Variants in EHMT1 observed in about 807,000 individuals in gnomAD.
EHMT1 encodes the protein euchromatic histone lysine methyltransferase 1.
A neutral mutation model predicts 147.2 loss-of-function variants in EHMT1; 15 were observed. The observed-to-expected ratio is 0.10, with a 90% CI of 0.07 to 0.16. The LOEUF is 0.16. Among genes scored for constraint, EHMT1 ranks in the 10% least tolerant of loss-of-function variants. The pLI is 1.00. For missense variants in EHMT1, 1,587 were observed against 1,772.4 expected (o/e 0.90, Z 1.88); for synonymous variants, 795 against 709.6 (o/e 1.12, Z -1.91).
chr9:137,779,580 C>T (rs1435898912), intron 13 of EHMT1, 55 bp from the exon 14 acceptor site: 58 of 1,599,430 alleles, frequency 3.6e-5, no homozygotes, highest in Non-Finnish European at 4.6e-5. Context: ...CAGCCTTCAG[C>T]TTCATGTGTG....
chr9:137,716,915 C>T lies in EHMT1; in HGVS notation c.375C>T (p.Tyr125=), dbSNP rs763653989. 2 of 1,613,036 alleles carry T rather than the reference C, an allele frequency of 1.2e-6. No individual in the cohort carries two copies. Among genetic ancestry groups the T allele is most frequent in the Admixed American group, 1.7e-5 (1 of 60,002 alleles). The change falls in exon 3 of 27, where the codon TAC becomes TAT. Residue 125 remains tyrosine (Y), a synonymous_variant. Coordinates refer to ENST00000460843, the MANE Select transcript of EHMT1 (RefSeq NM_024757.5). ...CTTCTGTCATCGGCAGCAACGGATA[C>T]ATCTTAAATAAGCCGGCCCTACAGG... The part of the protein sequence containing the change: ...VQTSVIGSNG[Y]ILNKPALQAQ...
chr9:137,679,187 G>A (rs1400250113), intron 1 of EHMT1, among the ~76,000 whole-genome samples: 2 of 152,166 alleles, frequency 1.3e-5, no homozygotes, highest in African/African-American at 4.8e-5. Flanking sequence ...CTGACTTCGT[G>A]ATCTGCCCGC....
At chr9:137,808,106 G>A (rs998579171) in intron 18 of EHMT1, among the ~76,000 whole-genome samples, 3 of 152,198 alleles carry the variant, frequency 2.0e-5, no homozygotes, top group African/African-American at 7.2e-5. Context: ...CACCGAGGCA[G>A]GTCCGTCCAT....
intron 14 of EHMT1, among the ~76,000 whole-genome samples, chr9:137,779,985 G>C (rs897599899): frequency 3.9e-5 from 6 of 152,252 alleles, no homozygotes; most frequent in Non-Finnish European, 8.8e-5. Flanking sequence ...ATTAAATCAA[G>C]CAGAAATAGA....
chr9:137,643,695 A>G (rs1844677455), intron 1 of EHMT1, among the ~76,000 whole-genome samples: 1 of 152,068 alleles, frequency 6.6e-6, no homozygotes, highest in Non-Finnish European at 1.5e-5. Context: ...GCTGCACTCC[A>G]TGGTTTCTGA....
intron 1 of EHMT1, among the ~76,000 whole-genome samples, chr9:137,705,231 A>C (rs1354040432): frequency 3.3e-5 from 5 of 152,140 alleles, no homozygotes; most frequent in Admixed American, 3.3e-4. Context: ...GAGCTCAAGC[A>C]GTCCTCCTTC....
chr9:137,823,012 C>T (rs1024714515), intron 25 of EHMT1, among the ~76,000 whole-genome samples: 3 of 150,560 alleles, frequency 2.0e-5, no homozygotes, highest in South Asian at 2.1e-4. Context: ...CTCACTGCAA[C>T]GTCTGCCTCC....
intron 1 of EHMT1, among the ~76,000 whole-genome samples, chr9:137,689,126 T>A (rs372310392): frequency 6.6e-6 from 1 of 152,218 alleles, no homozygotes; most frequent in Non-Finnish European, 1.5e-5. Context: ...TTCCCCTTTT[T>A]ACACTGGAAA....
intron 1 of EHMT1, among the ~76,000 whole-genome samples, chr9:137,689,383 G>A (rs967015003): frequency 2.0e-5 from 3 of 152,136 alleles, no homozygotes; most frequent in African/African-American, 7.2e-5. Flanking sequence ...TGCATTCTAT[G>A]TGTTGGTTGA....
At chr9:137,625,379 G>A (rs943653852) in intron 1 of EHMT1, among the ~76,000 whole-genome samples, 1 of 152,070 alleles carries the variant, frequency 6.6e-6, no homozygotes, top group Non-Finnish European at 1.5e-5. Context: ...TGTTGTTGTT[G>A]TTGTTGGAGA....
At chr9:137,809,605 G>A (rs1270834811) in intron 18 of EHMT1, among the ~76,000 whole-genome samples, 2 of 152,266 alleles carry the variant, frequency 1.3e-5, no homozygotes, top group African/African-American at 4.8e-5. Flanking sequence ...GAAGGAGGCT[G>A]CAGCCGGCGC....
intron 2 of EHMT1, among the ~76,000 whole-genome samples, chr9:137,713,934 A>G (rs1944970381): frequency 1.3e-5 from 2 of 152,290 alleles, no homozygotes; most frequent in African/African-American, 4.8e-5. Context: ...TGGGTGACAC[A>G]GCGAGACTCC....
At chr9:137,723,624 C>CG (rs1257240531) in intron 3 of EHMT1, among the ~76,000 whole-genome samples, 2 of 152,030 alleles carry the variant, frequency 1.3e-5, no homozygotes, top group African/African-American at 4.8e-5. Context: ...GCCTGTGGCC[C>CG]GGGGTGTGCC....
intron 10 of EHMT1, among the ~76,000 whole-genome samples, chr9:137,769,602 C>T (rs901450995): frequency 6.6e-6 from 1 of 151,346 alleles, no homozygotes; most frequent in South Asian, 2.1e-4. Flanking sequence ...GCTGAACTTG[C>T]CTCTGTTCCT....
chr9:137,726,249 C>T (rs1946616103), intron 3 of EHMT1, among the ~76,000 whole-genome samples: 1 of 152,242 alleles, frequency 6.6e-6, no homozygotes, highest in Admixed American at 6.5e-5. Context: ...CACACTGAAG[C>T]TCTGTCTCCT....
intron 3 of EHMT1, 99 bp from the exon 4 acceptor site, chr9:137,728,250 G>A (rs1946803189): frequency 5.3e-6 from 8 of 1,512,172 alleles, no homozygotes; most frequent in Admixed American, 5.0e-5. Context: ...TTTCGGTTGT[G>A]GGGAATTATC....
intron 6 of EHMT1, among the ~76,000 whole-genome samples, chr9:137,744,939 C>T (rs534300533): frequency 1.1e-4 from 17 of 152,364 alleles, no homozygotes; most frequent in African/African-American, 4.1e-4. Flanking sequence ...GAGTTACATT[C>T]ATGCTTTTTC....
chr9:137,805,269 A>G (rs1230043056), intron 18 of EHMT1, among the ~76,000 whole-genome samples: 1 of 151,952 alleles, frequency 6.6e-6, no homozygotes, highest in Non-Finnish European at 1.5e-5. Flanking sequence ...TGTAAGGGTC[A>G]GTCATCTGCA....
intron 1 of EHMT1, among the ~76,000 whole-genome samples, chr9:137,660,469 T>C (rs111774883): frequency 3.9e-5 from 6 of 152,272 alleles, no homozygotes; most frequent in African/African-American, 1.4e-4. Flanking sequence ...GTTTCTGTTT[T>C]GTTTCTGTTT....
Sources: gnomAD v4.1 joint callset for allele counts (sites outside exome capture counted in the v4.1 genomes callset) on GRCh38, gnomAD v4.1.1 for gene constraint, MANE v1.5 for transcripts, NCBI Gene and HGNC (gene_info 2026-07-23, HGNC 2026-07-21) for gene names.